BTBD9: variants seen among roughly 807,000 people sequenced by gnomAD.
BTBD9 encodes BTB/POZ domain-containing protein 9.
A neutral mutation model predicts 64.3 loss-of-function variants in BTBD9; 49 were observed. The ratio of observed to expected loss-of-function variants is 0.76; its 90% confidence interval spans 0.61 to 0.97. The LOEUF is 0.97. BTBD9 is among the 50% of genes least tolerant of loss of function. The pLI, the probability that BTBD9 is intolerant of heterozygous loss-of-function variation, is 0.00. For missense variants in BTBD9, 598 were observed against 762.1 expected, an observed-to-expected ratio of 0.78 and a Z score of 2.53; for synonymous variants, 260 against 274.7, an observed-to-expected ratio of 0.95 and a Z score of 0.53.
At chr6:38,538,632 G>T (rs1042858738) in intron 6 of BTBD9, among the ~76,000 whole-genome samples, 3 of 149,916 alleles carry the variant, frequency 2.0e-5, no homozygotes, top group African/African-American at 7.4e-5. Context: ...ACCTTCCCCC[G>T]CCCCCCAAAA....
chr6:38,617,282 A>G (rs1777824512), intron 1 of BTBD9, among the ~76,000 whole-genome samples: 2 of 152,124 alleles, frequency 1.3e-5, no homozygotes, highest in Non-Finnish European at 2.9e-5. Context: ...TGCAGCCATG[A>G]GCAGAACTCT....
chr6:38,459,446 C>T (rs1769973948), intron 6 of BTBD9, among the ~76,000 whole-genome samples: 1 of 152,206 alleles, frequency 6.6e-6, no homozygotes, highest in African/African-American at 2.4e-5. Context: ...AGTTGAAGAA[C>T]ATACCACTTT....
chr6:38,562,848 C>T (rs1397283749), intron 6 of BTBD9, among the ~76,000 whole-genome samples: 1 of 152,158 alleles, frequency 6.6e-6, no homozygotes, highest in Non-Finnish European at 1.5e-5. Context: ...ATTGCTGGCT[C>T]AATGGGTGTA....
At chr6:38,474,315 G>C (rs944839547) in intron 6 of BTBD9, among the ~76,000 whole-genome samples, 1 of 152,158 alleles carries the variant, frequency 6.6e-6, no homozygotes, top group Non-Finnish European at 1.5e-5. Context: ...CCGAGGTCAA[G>C]AGCTTGAGAT....
intron 6 of BTBD9, among the ~76,000 whole-genome samples, chr6:38,394,909 A>G (rs775994972): frequency 3.9e-5 from 6 of 152,030 alleles, no homozygotes; most frequent in Non-Finnish European, 8.8e-5. Context: ...CTTTAATCCT[A>G]TAAGAGACTG....
At position 38,174,717 on chromosome 6, in the gene BTBD9, G is replaced by A; in HGVS notation, c.*268C>T. On this transcript the variant is annotated 3_prime_UTR_variant, in exon 11 of 11. Coordinates refer to ENST00000481247, the MANE Select transcript of BTBD9 (RefSeq NM_001099272.2). ...CCTGCGCCTGGGCTAGATTAGAGAG[G>A]TAGGGTGTTAATGGTGGACTTGATG... is the stretch of plus-strand genomic sequence containing the variant. 1 of 486,246 alleles carries A rather than the reference G, an allele frequency of 2.1e-6. No individual in the cohort carries two copies. The highest frequency in any genetic ancestry group is 3.6e-6 in the Non-Finnish European group (1 of 274,278). The allele number at this position is 486,246 out of a possible 1,614,324, so 30.1% of individuals were successfully genotyped here. A position where few individuals can be genotyped will look rare whatever the true frequency, so the allele number is the denominator to read the frequency against.
intron 9 of BTBD9, among the ~76,000 whole-genome samples, chr6:38,209,844 G>A (rs1762770546): frequency 6.6e-6 from 1 of 152,186 alleles, no homozygotes; most frequent in East Asian, 1.9e-4. Flanking sequence ...CAGAGGAGGA[G>A]CTTCAGACTT....
chr6:38,466,228 C>A lies in BTBD9; in HGVS notation c.1154+111372G>T, dbSNP rs2127360458. ...TCTTTTAATATCTATGGAATCTGTA[C>A]TGATGTCAGAATTTCTAAAGTTGAC... On this transcript the variant is annotated intron_variant, in intron 6 of 10. Coordinates refer to ENST00000481247, the MANE Select transcript of BTBD9 (RefSeq NM_001099272.2). 1.3e-5 allele frequency among the ~76,000 whole-genome samples: 2 copies of A among 149,020 alleles called. 1 individual carries two copies. The highest frequency in any genetic ancestry group is 4.3e-4 in the South Asian group (2 of 4,696).
At chr6:38,555,995 T>G (rs1041173425) in intron 6 of BTBD9, among the ~76,000 whole-genome samples, 1 of 152,248 alleles carries the variant, frequency 6.6e-6, no homozygotes, top group African/African-American at 2.4e-5. Flanking sequence ...GAACTAATTT[T>G]ACACGTGGAC....
chr6:38,464,592 C>T (rs989332468), intron 6 of BTBD9, among the ~76,000 whole-genome samples: 2 of 152,092 alleles, frequency 1.3e-5, no homozygotes, highest in African/African-American at 4.8e-5. Flanking sequence ...ACTTCCTGGG[C>T]TCAAGCGATT....
chr6:38,406,292 G>A (rs1767160588), intron 6 of BTBD9, among the ~76,000 whole-genome samples: 2 of 152,166 alleles, frequency 1.3e-5, no homozygotes, highest in Non-Finnish European at 2.9e-5. Context: ...TCTTTGCCAA[G>A]CTCTAAGTGC....
chr6:38,624,156 T>C (rs1380076629), intron 1 of BTBD9, among the ~76,000 whole-genome samples: 4 of 152,230 alleles, frequency 2.6e-5, no homozygotes. Context: ...ATCTGCGCTC[T>C]GTAAAACGCG....
At chr6:38,252,438 G>C (rs1238356086) in intron 9 of BTBD9, among the ~76,000 whole-genome samples, 7 of 152,102 alleles carry the variant, frequency 4.6e-5, no homozygotes, top group Admixed American at 4.6e-4. Context: ...AAAAAGGGAG[G>C]TACAATACAT....
At chr6:38,600,959 C>G (rs1777219188) in intron 1 of BTBD9, among the ~76,000 whole-genome samples, 1 of 152,064 alleles carries the variant, frequency 6.6e-6, no homozygotes, top group African/African-American at 2.4e-5. Context: ...AAAATAAACA[C>G]AATTTTATTG....
intron 6 of BTBD9, among the ~76,000 whole-genome samples, chr6:38,566,436 C>A (rs1775518949): frequency 6.6e-6 from 1 of 151,982 alleles, no homozygotes; most frequent in Non-Finnish European, 1.5e-5. Context: ...TACTTTTGCC[C>A]TAGAGAAATC....
chr6:38,484,512 C>T (rs1771310212), intron 6 of BTBD9, among the ~76,000 whole-genome samples: 2 of 152,122 alleles, frequency 1.3e-5, no homozygotes, highest in African/African-American at 2.4e-5. Flanking sequence ...TTCCTTTGTA[C>T]CAAGACCTCT....
intron 8 of BTBD9, among the ~76,000 whole-genome samples, chr6:38,282,179 T>A (rs1341010195): frequency 3.9e-5 from 6 of 152,186 alleles, no homozygotes; most frequent in Non-Finnish European, 5.9e-5. Flanking sequence ...TCTGAAGACT[T>A]CCCGTTATTT....
chr6:38,199,747 T>A (rs1457747951), intron 9 of BTBD9, among the ~76,000 whole-genome samples: 1 of 152,228 alleles, frequency 6.6e-6, no homozygotes, highest in South Asian at 2.1e-4. Context: ...ACTAGTGTGC[T>A]GGGCAGGGGT....
intron 6 of BTBD9, among the ~76,000 whole-genome samples, chr6:38,502,432 A>G (rs964833413): frequency 4.6e-5 from 7 of 152,212 alleles, no homozygotes; most frequent in Non-Finnish European, 1.0e-4. Context: ...ATTAAAAGAA[A>G]AGCTTTCTCT....
Sources: allele counts gnomAD v4.1 joint callset (sites outside exome capture counted in the v4.1 genomes callset), GRCh38; gene constraint gnomAD v4.1.1; transcripts MANE v1.5; gene names NCBI Gene and HGNC (gene_info 2026-07-23, HGNC 2026-07-21).